The following OSBPL8 variants were observed in gnomAD, a reference collection of about 807,000 sequenced individuals.
The protein encoded by OSBPL8 is oxysterol-binding protein-related protein 8.
A neutral mutation model predicts 125.5 loss-of-function variants in OSBPL8; 59 were observed. That is an observed-to-expected ratio of 0.47 (90% CI 0.38 to 0.58). OSBPL8 has a LOEUF of 0.58. OSBPL8 is among the 20% of genes least tolerant of loss of function. The pLI, the probability that OSBPL8 is intolerant of heterozygous loss-of-function variation, is 0.00. For synonymous variants in OSBPL8, 330 were observed against 338.9 expected (o/e 0.97, Z 0.29); for missense variants, 758 against 1,047.8 (o/e 0.72, Z 3.82).
Position 76,352,933 on chromosome 12 carries a change from G to C in OSBPL8, c.*2956C>G, listed in dbSNP as rs940036103. 3.3e-5 allele frequency: 5 copies of C among 152,214 alleles called. No homozygotes were observed. Among genetic ancestry groups the C allele is most frequent in the African/African-American group, 1.2e-4 (5 of 41,346 alleles). 9.4% of individuals were successfully genotyped at this position (152,214 alleles called of 1,614,324 possible). ...TACATCAATGTCTGAGTAAAGAATA[G>C]GTAAATAGACAAACCCCTATAAAAG... On this transcript the variant is annotated 3_prime_UTR_variant, in exon 24 of 24. Coordinates refer to ENST00000261183, the MANE Select transcript of OSBPL8 (RefSeq NM_020841.5).
rs1485414585 is a variant in OSBPL8, at chr12:76,352,378, A to C, written c.*3511T>G. The C allele has an allele frequency of 2.6e-5, 4 of 152,580 alleles. No individual in the cohort carries two copies. Among genetic ancestry groups the C allele is most frequent in the Admixed American group, 6.6e-5 (1 of 15,258 alleles). The allele number at this position is 152,580 out of a possible 1,614,324, so 9.5% of individuals were successfully genotyped here. On this transcript the variant is annotated 3_prime_UTR_variant, in exon 24 of 24. Coordinates refer to ENST00000261183, the MANE Select transcript of OSBPL8 (RefSeq NM_020841.5). ...TATACAATTTCAACAGTCCATCTTC[A>C]ATTAAAAACTAACAAAAATAAACAG... is the stretch of plus-strand genomic sequence containing the variant.
chr12:76,491,508 G>C (rs1878711019), intron 1 of OSBPL8, among the ~76,000 whole-genome samples: 1 of 152,088 alleles, frequency 6.6e-6, no homozygotes. Context: ...TTGACATTTG[G>C]CTCCTTTGAT....
At chr12:76,395,620 A>G (rs1029632892) in intron 8 of OSBPL8, among the ~76,000 whole-genome samples, 1 of 152,236 alleles carries the variant, frequency 6.6e-6, no homozygotes, top group African/African-American at 2.4e-5. Context: ...ATAGTGGGAC[A>G]TGGAATCAGA....
chr12:76,496,609 C>T (rs1367029443), intron 1 of OSBPL8, among the ~76,000 whole-genome samples: 1 of 151,870 alleles, frequency 6.6e-6, no homozygotes, highest in Non-Finnish European at 1.5e-5. Context: ...GGCAGGATCT[C>T]AGCTCACTGC....
At chr12:76,546,473 T>C (rs1170774011) in intron 1 of OSBPL8, among the ~76,000 whole-genome samples, 2 of 152,126 alleles carry the variant, frequency 1.3e-5, no homozygotes, top group Non-Finnish European at 2.9e-5. Context: ...ATTCAAAGTA[T>C]TATCTATATA....
chr12:76,544,696 G>T (rs891421034), intron 1 of OSBPL8, among the ~76,000 whole-genome samples: 12 of 152,034 alleles, frequency 7.9e-5, no homozygotes, highest in South Asian at 2.1e-4. Context: ...AGATCCGATG[G>T]TCTAATATAA....
At chr12:76,447,752 G>C (rs1872883510) in intron 4 of OSBPL8, among the ~76,000 whole-genome samples, 1 of 152,090 alleles carries the variant, frequency 6.6e-6, no homozygotes, top group African/African-American at 2.4e-5. Context: ...TCACCATGTT[G>C]GCCAGGCTGG....
chr12:76,466,430 C>A lies in OSBPL8; in HGVS notation c.43-6535G>T, dbSNP rs189420144. 5.3e-3 allele frequency among the ~76,000 whole-genome samples: 807 copies of A among 152,256 alleles called. 7 individuals carry two copies. The highest frequency in any genetic ancestry group is 0.019 in the African/African-American group (779 of 41,536). Reference sequence around the variant, plus strand: ...TGCAAAAATGTTAACATGTCCCACACAGCACCACATATTACTCACTGTCTC... The same window carrying A: ...TGCAAAAATGTTAACATGTCCCACAAAGCACCACATATTACTCACTGTCTC... On this transcript the variant is annotated intron_variant, in intron 2 of 23. Coordinates refer to ENST00000261183, the MANE Select transcript of OSBPL8 (RefSeq NM_020841.5).
intron 4 of OSBPL8, among the ~76,000 whole-genome samples, chr12:76,417,803 C>T (rs1218409160): frequency 1.3e-5 from 2 of 152,174 alleles, no homozygotes; most frequent in African/African-American, 4.8e-5. Context: ...TAGTTTGTAT[C>T]GGATCACTCT....
chr12:76,390,962 A>G (rs1454874033), intron 10 of OSBPL8, among the ~76,000 whole-genome samples: 2 of 152,120 alleles, frequency 1.3e-5, no homozygotes, highest in Non-Finnish European at 1.5e-5. Context: ...TCCAAAACCA[A>G]GAGTTTAGAC....
At chr12:76,394,320 T>C (rs1759675927) in intron 9 of OSBPL8, among the ~76,000 whole-genome samples, 1 of 152,006 alleles carries the variant, frequency 6.6e-6, no homozygotes, top group Non-Finnish European at 1.5e-5. Flanking sequence ...TAACATTTAG[T>C]AGTAAAATAT....
chr12:76,374,983 A>T (rs1565837681), intron 17 of OSBPL8, among the ~76,000 whole-genome samples: 1 of 152,152 alleles, frequency 6.6e-6, no homozygotes, highest in Non-Finnish European at 1.5e-5. Flanking sequence ...TTTCTATCCA[A>T]TCACTTCTTA....
intron 1 of OSBPL8, among the ~76,000 whole-genome samples, chr12:76,496,078 C>T (rs997380883): frequency 6.6e-6 from 1 of 152,150 alleles, no homozygotes; most frequent in Non-Finnish European, 1.5e-5. Context: ...TTCCTTAGCC[C>T]ATCCACTGAC....
intron 2 of OSBPL8, among the ~76,000 whole-genome samples, chr12:76,472,635 G>A (rs1275269834): frequency 6.6e-6 from 1 of 152,258 alleles, no homozygotes; most frequent in Non-Finnish European, 1.5e-5. Flanking sequence ...CCACTGGACA[G>A]GGGGCCCTTC....
At chr12:76,451,990 G>A (rs186922027) in intron 3 of OSBPL8, among the ~76,000 whole-genome samples, 94 of 152,102 alleles carry the variant, frequency 6.2e-4, no homozygotes, top group African/African-American at 2.1e-3. Flanking sequence ...GTGTTGGCGC[G>A]CCTGTAATCC....
chr12:76,397,116 C>T (rs1565861727), intron 8 of OSBPL8, among the ~76,000 whole-genome samples: 1 of 151,856 alleles, frequency 6.6e-6, no homozygotes, highest in Non-Finnish European at 1.5e-5. Context: ...CACCCAGCCA[C>T]AGTAATGCTT....
rs1951860764 is a variant in OSBPL8, at chr12:76,352,555, C to T, written c.*3334G>A. 1 of 152,632 alleles carries T rather than the reference C, an allele frequency of 6.6e-6. No individual in the cohort carries two copies. Among genetic ancestry groups the T allele is most frequent in the Admixed American group, 6.5e-5 (1 of 15,294 alleles). The allele number at this position is 152,632 out of a possible 1,614,324, so 9.5% of individuals were successfully genotyped here. On this transcript the variant is annotated 3_prime_UTR_variant, in exon 24 of 24. Transcript: ENST00000261183. ...AGATAGAAATTGAAATGTAAACTTA[C>T]TGATTTCTGTGGGATTTTCCCCACT...
intron 4 of OSBPL8, among the ~76,000 whole-genome samples, chr12:76,445,914 G>C (rs190961085): frequency 6.6e-6 from 1 of 151,888 alleles, no homozygotes; most frequent in East Asian, 1.9e-4. Context: ...CAAAATACTC[G>C]ACTCAAAGTT....
intron 1 of OSBPL8, among the ~76,000 whole-genome samples, chr12:76,542,327 G>C (rs1950668878): frequency 6.6e-6 from 1 of 152,086 alleles, no homozygotes. Flanking sequence ...TTTCATTCTA[G>C]TAGAGATGCT....
Sources: allele counts gnomAD v4.1 joint callset (sites outside exome capture counted in the v4.1 genomes callset), GRCh38; gene constraint gnomAD v4.1.1; transcripts MANE v1.5; gene names NCBI Gene and HGNC (gene_info 2026-07-23, HGNC 2026-07-21).